The following RIMS2 variants were observed in gnomAD, a reference collection of about 807,000 sequenced individuals.
The protein encoded by RIMS2 is regulating synaptic membrane exocytosis 2.
Under a neutral mutation model 174.4 loss-of-function variants are expected in RIMS2, and 59 were observed. The ratio of observed to expected loss-of-function variants is 0.34; its 90% CI spans 0.27 to 0.42. The LOEUF is 0.42. RIMS2 is among the 10% of genes least tolerant of loss of function. The pLI, the probability that RIMS2 is intolerant of heterozygous loss-of-function variation, is 1.00. For missense variants in RIMS2, 1,620 were observed against 1,666.3 expected, an observed-to-expected ratio of 0.97 and a Z score of 0.48; for synonymous variants, 606 against 572.5, an observed-to-expected ratio of 1.06 and a Z score of -0.84.
At chr8:103,893,041 T>A (rs1421048489) in intron 4 of RIMS2, among the ~76,000 whole-genome samples, 2 of 152,040 alleles carry the variant, frequency 1.3e-5, no homozygotes, top group Non-Finnish European at 2.9e-5. Flanking sequence ...ATAGGGCATT[T>A]ATAATTGACC....
intron 1 of RIMS2, among the ~76,000 whole-genome samples, chr8:103,553,494 G>A (rs1177028988): frequency 1.3e-5 from 2 of 152,042 alleles, no homozygotes; most frequent in Non-Finnish European, 2.9e-5. Context: ...TATACCTAAT[G>A]TAAATGACGA....
intron 19 of RIMS2, among the ~76,000 whole-genome samples, chr8:104,161,900 C>A (rs554096418): frequency 4.6e-5 from 7 of 152,328 alleles, no homozygotes; most frequent in African/African-American, 1.2e-4. Flanking sequence ...CCTTCATCTT[C>A]AAGCTAACAA....
At chr8:103,524,031 A>T (rs887043782) in intron 1 of RIMS2, among the ~76,000 whole-genome samples, 1 of 152,206 alleles carries the variant, frequency 6.6e-6, no homozygotes, top group African/African-American at 2.4e-5. Flanking sequence ...CTAAGTACTG[A>T]CAACTGTAAT....
intron 3 of RIMS2, among the ~76,000 whole-genome samples, chr8:103,848,746 G>A (rs1212435437): frequency 6.6e-6 from 1 of 151,978 alleles, no homozygotes; most frequent in Non-Finnish European, 1.5e-5. Context: ...CGAATCTCTG[G>A]TTTTGCTCTG....
chr8:104,200,978 T>G (rs927910443), intron 19 of RIMS2, among the ~76,000 whole-genome samples: 1 of 152,206 alleles, frequency 6.6e-6, no homozygotes, highest in African/African-American at 2.4e-5. Flanking sequence ...TTTTTGTTTT[T>G]CTCTCAACTT....
intron 3 of RIMS2, among the ~76,000 whole-genome samples, chr8:103,782,114 C>CT (rs199550397): frequency 0.15 from 21,920 of 142,068 alleles, 1,693 homozygotes; most frequent in Middle Eastern, 0.25. Flanking sequence ...TTTCTGTTTT[C>CT]TTTTTTTTTT....
At chr8:104,230,384 G>A (rs1380071669) in intron 19 of RIMS2, among the ~76,000 whole-genome samples, 1 of 151,920 alleles carries the variant, frequency 6.6e-6, no homozygotes, top group South Asian at 2.1e-4. Flanking sequence ...GGTGGCTCAC[G>A]CTTATAATCT....
At chr8:103,970,736 G>C (rs964821333) in intron 15 of RIMS2, among the ~76,000 whole-genome samples, 3 of 152,138 alleles carry the variant, frequency 2.0e-5, no homozygotes, top group Admixed American at 1.3e-4. Context: ...GGGGGCAGTT[G>C]TTTGCCCTGT....
chr8:103,838,408 G>A (rs2098917401), intron 3 of RIMS2, among the ~76,000 whole-genome samples: 1 of 152,122 alleles, frequency 6.6e-6, no homozygotes, highest in Non-Finnish European at 1.5e-5. Flanking sequence ...TGAGGTACGT[G>A]ACCCTACAGC....
chr8:104,136,934 C>T (rs1194280837), intron 19 of RIMS2, among the ~76,000 whole-genome samples: 4 of 151,954 alleles, frequency 2.6e-5, no homozygotes, highest in African/African-American at 9.7e-5. Context: ...TGCACTTGTA[C>T]CCCGGATTTA....
chr8:103,651,844 A>G (rs530663666), intron 1 of RIMS2, among the ~76,000 whole-genome samples: 1 of 152,234 alleles, frequency 6.6e-6, no homozygotes, highest in South Asian at 2.1e-4. Context: ...TATTAAGGAA[A>G]AATTAAAAAA....
rs112441938 is a variant in RIMS2 at position 104,185,684 on chromosome 8, C to T, written c.3335-59232C>T. Among the ~76,000 whole-genome samples, 858 of 151,510 alleles carry T rather than the reference C, an allele frequency of 5.7e-3. 6 individuals carry two copies. The highest frequency in any genetic ancestry group is 0.019 in the African/African-American group (795 of 41,390). ...ATTAGAGAAATGCAAATTAAAACCA[C>T]AATGAGATATTATATACACCAGTCA... On this transcript the variant is annotated intron_variant, in intron 19 of 23. Transcript: ENST00000504942.
At chr8:103,532,862 AAAAC>A (rs1336871436) in intron 1 of RIMS2, among the ~76,000 whole-genome samples, 2 of 152,388 alleles carry the variant, frequency 1.3e-5, no homozygotes, top group East Asian at 1.9e-4. Flanking sequence ...GAGAAACAAA[AAAAC>A]AAAAAAAGAA....
chr8:103,998,258 T>C (rs749309902), intron 17 of RIMS2: 39 of 1,594,662 alleles, frequency 2.4e-5, no homozygotes, highest in Non-Finnish European at 3.2e-5. Context: ...CAGGTATATT[T>C]TTCTTACAAT....
At chr8:103,507,959 CT>C (rs1824500354) in intron 1 of RIMS2, among the ~76,000 whole-genome samples, 1 of 152,022 alleles carries the variant, frequency 6.6e-6, no homozygotes, top group Non-Finnish European at 1.5e-5. Context: ...TGAAAAAATA[CT>C]GTAAAGGTGT....
At chr8:104,035,252 G>T (rs907406038) in intron 19 of RIMS2, among the ~76,000 whole-genome samples, 18 of 146,132 alleles carry the variant, frequency 1.2e-4, no homozygotes, top group African/African-American at 4.0e-4. Context: ...GAAAATAACT[G>T]TTTTTTTTTT....
intron 19 of RIMS2, among the ~76,000 whole-genome samples, chr8:104,101,273 T>G (rs1598874410): frequency 6.6e-6 from 1 of 151,554 alleles, no homozygotes; most frequent in African/African-American, 2.4e-5. Context: ...ATTACAGGCA[T>G]GTGCCACCAT....
chr8:104,108,231 T>C (rs2098114253), intron 19 of RIMS2, among the ~76,000 whole-genome samples: 1 of 152,124 alleles, frequency 6.6e-6, no homozygotes, highest in Non-Finnish European at 1.5e-5. Flanking sequence ...CTTTTGTTAT[T>C]TTTTCTTTTT....
At chr8:103,770,628 C>A (rs1269051426) in intron 3 of RIMS2, among the ~76,000 whole-genome samples, 4 of 152,148 alleles carry the variant, frequency 2.6e-5, no homozygotes, top group Non-Finnish European at 5.9e-5. Flanking sequence ...AAAAAGTTTG[C>A]CAATCCCTGC....
Sources: allele counts gnomAD v4.1 joint callset (sites outside exome capture counted in the v4.1 genomes callset), GRCh38; gene constraint gnomAD v4.1.1; transcripts MANE v1.5; gene names NCBI Gene and HGNC (gene_info 2026-07-23, HGNC 2026-07-21).